TTC7B: variants seen among roughly 807,000 people sequenced by gnomAD.
TTC7B encodes the protein tetratricopeptide repeat protein 7B.
In TTC7B, 28 loss-of-function variants were observed where a neutral mutation model predicts 106.8. The ratio of observed to expected loss-of-function variants is 0.26; its 90% CI spans 0.19 to 0.36. The LOEUF (loss-of-function observed/expected upper bound fraction) is 0.36, where lower values mean the gene tolerates loss of function less well. Ranked by LOEUF, TTC7B falls within the 10% of genes least tolerant of loss-of-function variation. The pLI is 1.00. For missense variants in TTC7B, 862 were observed against 1,076.4 expected, an observed-to-expected ratio of 0.80 and a Z score of 2.79; for synonymous variants, 405 against 430.6, an observed-to-expected ratio of 0.94 and a Z score of 0.74.
intron 16 of TTC7B, among the ~76,000 whole-genome samples, chr14:90,611,711 A>C (rs1401416432): frequency 6.6e-6 from 1 of 152,102 alleles, no homozygotes; most frequent in East Asian, 1.9e-4. Context: ...GGCACTGTTC[A>C]CCCGGTAAAG....
At chr14:90,667,492 C>T (rs1423749556) in intron 9 of TTC7B, among the ~76,000 whole-genome samples, 1 of 152,014 alleles carries the variant, frequency 6.6e-6, no homozygotes, top group Non-Finnish European at 1.5e-5. Context: ...AACTTTAAAC[C>T]CAAATTAAGC....
intron 3 of TTC7B, among the ~76,000 whole-genome samples, chr14:90,750,981 T>C (rs1240870648): frequency 6.6e-6 from 1 of 152,192 alleles, no homozygotes; most frequent in Non-Finnish European, 1.5e-5. Context: ...AGAAGCAGAG[T>C]CCTGAGGTCA....
At chr14:90,613,963 A>G (rs902994996) in intron 16 of TTC7B, among the ~76,000 whole-genome samples, 4 of 152,218 alleles carry the variant, frequency 2.6e-5, no homozygotes, top group Non-Finnish European at 5.9e-5. Flanking sequence ...TCTATCTTCC[A>G]CAGAGGTTAA....
At chr14:90,620,473 T>G (rs2139851549) in intron 15 of TTC7B, among the ~76,000 whole-genome samples, 1 of 151,176 alleles carries the variant, frequency 6.6e-6, no homozygotes, top group African/African-American at 2.4e-5. Flanking sequence ...ACTGGGAGAG[T>G]TGACAAAGGA....
chr14:90,813,463 G>A lies in TTC7B; in HGVS notation c.121+2712C>T, dbSNP rs117227080. ...AGCAGGTACTCAATCTTTGTGGAAGGAAGGAAGGAATGAGTGGCTGGCCCT... is the reference window on the plus strand; with the variant it reads ...AGCAGGTACTCAATCTTTGTGGAAGAAAGGAAGGAATGAGTGGCTGGCCCT... On this transcript the variant is annotated intron_variant, in intron 1 of 19. Coordinates refer to ENST00000328459, the MANE Select transcript of TTC7B (RefSeq NM_001010854.2). Among the ~76,000 whole-genome samples, 38 of 152,280 alleles carry A rather than the reference G, an allele frequency of 2.5e-4. 1 individual carries two copies. The East Asian group carries it at 7.3e-3, about 29-fold the overall frequency.
chr14:90,778,214 A>G (rs1363758910), intron 3 of TTC7B, among the ~76,000 whole-genome samples: 1 of 152,164 alleles, frequency 6.6e-6, no homozygotes, highest in Non-Finnish European at 1.5e-5. Flanking sequence ...CACTCACAGA[A>G]GTCAGAAACT....
intron 4 of TTC7B, among the ~76,000 whole-genome samples, chr14:90,740,311 A>G (rs1889705225): frequency 6.6e-6 from 1 of 152,132 alleles, no homozygotes; most frequent in Admixed American, 6.5e-5. Flanking sequence ...CAAGTCAGGC[A>G]GAATGAGCAC....
chr14:90,649,586 A>C (rs1885627403), intron 13 of TTC7B, among the ~76,000 whole-genome samples: 1 of 152,198 alleles, frequency 6.6e-6, no homozygotes, highest in African/African-American at 2.4e-5. Flanking sequence ...CTGCTCAGAA[A>C]TACCTAAAAG....
At chr14:90,745,608 C>T (rs891860960) in intron 3 of TTC7B, among the ~76,000 whole-genome samples, 1 of 152,092 alleles carries the variant, frequency 6.6e-6, no homozygotes, top group Non-Finnish European at 1.5e-5. Context: ...GTTAAACCAA[C>T]CTTCCTTTCC....
In TTC7B at chr14:90,624,404, C is replaced by T. The variant is rs748848917; in HGVS notation, c.1752-6359G>A. ...GTTCACCTCAGGAAATGAGTCAGAG[C>T]GGCACTTGTCAGGGCCATGCTCGGT... is the stretch of plus-strand genomic sequence containing the variant. On this transcript the variant is annotated intron_variant, in intron 15 of 19. Coordinates refer to ENST00000328459, the MANE Select transcript of TTC7B (RefSeq NM_001010854.2). This position sits in a 1 kb window ranked among gnomAD's most constrained non-coding sequence, Gnocchi z 4.0. Among the ~76,000 whole-genome samples, 7 of 152,158 alleles carry T rather than the reference C, an allele frequency of 4.6e-5. No homozygotes were observed. The highest frequency in any genetic ancestry group is 8.8e-5 in the Non-Finnish European group (6 of 68,018).
At chr14:90,633,761 T>A (rs1420600060) in intron 15 of TTC7B, among the ~76,000 whole-genome samples, 1 of 152,190 alleles carries the variant, frequency 6.6e-6, no homozygotes, top group Admixed American at 6.5e-5. Flanking sequence ...AAAGCTGTAC[T>A]GCAAAAGATG....
In TTC7B at chr14:90,539,279, G is replaced by T; in HGVS notation, c.*2089C>A. The T allele has an allele frequency of 6.6e-6, 1 of 152,502 alleles. No individual in the cohort carries two copies. 9.4% of individuals were successfully genotyped at this position (152,502 alleles called of 1,614,324 possible). A position where few individuals can be genotyped will look rare whatever the true frequency, so the allele number is the denominator to read the frequency against. On this transcript the variant is annotated 3_prime_UTR_variant, in exon 20 of 20. Transcript: ENST00000328459. The stretch of plus-strand genomic sequence containing the variant: ...GGCTGATACGCACAGGAGTCTCTGA[G>T]GTGAGGGCCTGGCAGAGAAGGTCTG...
At chr14:90,766,993 T>G (rs2140022470) in intron 3 of TTC7B, 1 of 1,235,510 alleles carries the variant, frequency 8.1e-7, no homozygotes, top group Non-Finnish European at 1.1e-6. Context: ...GAAATAAGTC[T>G]GTAGGCCTTG....
At chr14:90,557,947 T>TC (rs1250014439) in intron 19 of TTC7B, among the ~76,000 whole-genome samples, 3 of 152,356 alleles carry the variant, frequency 2.0e-5, no homozygotes, top group African/African-American at 4.8e-5. Context: ...AGACAGGCGC[T>TC]CATCGCTGCA....
intron 19 of TTC7B, among the ~76,000 whole-genome samples, chr14:90,560,092 C>A (rs1890507310): frequency 6.6e-6 from 1 of 152,252 alleles, no homozygotes; most frequent in Admixed American, 6.5e-5. Context: ...TTCTTCTCTG[C>A]CAATGTCCGG....
chr14:90,720,146 C>T (rs963691171), intron 5 of TTC7B, among the ~76,000 whole-genome samples: 2 of 151,772 alleles, frequency 1.3e-5, no homozygotes, highest in Admixed American at 1.3e-4. Context: ...CCTGACTAAA[C>T]AATAAGATCA....
chr14:90,802,063 A>G lies in TTC7B; in HGVS notation c.121+14112T>C, dbSNP rs534746782. The stretch of plus-strand genomic sequence containing the variant: ...ACAACAAGAGCGAAAACTCCATCTC[A>G]GGAAGGAAAAAAAAAAAAAAGAAAG... On this transcript the variant is annotated intron_variant, in intron 1 of 19. Coordinates refer to ENST00000328459, the MANE Select transcript of TTC7B (RefSeq NM_001010854.2). This position sits in a 1 kb window ranked among gnomAD's most constrained non-coding sequence, Gnocchi z 4.7. Among the ~76,000 whole-genome samples, 853 of 150,366 alleles carry G rather than the reference A, an allele frequency of 5.7e-3. 3 individuals are homozygous for G. Among genetic ancestry groups the G allele is most frequent in the Non-Finnish European group, 8.3e-3 (559 of 67,300 alleles).
intron 13 of TTC7B, chr14:90,648,828 G>A (rs945671575): frequency 2.6e-5 from 4 of 152,204 alleles, no homozygotes; most frequent in African/African-American, 9.7e-5. Flanking sequence ...ACACAATTAT[G>A]AAGAAATTTT....
chr14:90,698,989 A>G, intron 5 of TTC7B: 1 of 339,204 alleles, frequency 2.9e-6, no homozygotes. Context: ...ATCTGGTTTT[A>G]TCCTCCTCCT....
Sources: allele counts gnomAD v4.1 joint callset (sites outside exome capture counted in the v4.1 genomes callset), GRCh38; gene constraint gnomAD v4.1.1; non-coding constraint Gnocchi (gnomAD v3.1); transcripts MANE v1.5; gene names NCBI Gene and HGNC (gene_info 2026-07-23, HGNC 2026-07-21).